The following DST variants were observed in gnomAD, a reference collection of about 807,000 sequenced individuals.
DST encodes the protein bullous pemphigoid antigen.
In DST, 253 loss-of-function variants were observed where a neutral mutation model predicts 875.2. The observed-to-expected ratio is 0.29, with a 90% CI of 0.26 to 0.32. DST has a LOEUF of 0.32. Ranked by LOEUF, DST falls within the 10% of genes least tolerant of loss-of-function variation. The pLI is 1.00. For missense variants in DST, 8,287 were observed against 9,111.6 expected, an observed-to-expected ratio of 0.91 and a Z score of 3.68; for synonymous variants, 3,124 against 3,197.1, an observed-to-expected ratio of 0.98 and a Z score of 0.77.
intron 98 of DST, 25 bp from the exon 99 acceptor site, chr6:56,466,220 C>A: frequency 6.8e-7 from 1 of 1,471,608 alleles, no homozygotes; most frequent in Non-Finnish European, 9.2e-7. Flanking sequence ...AAGAAAGAAC[C>A]TCTAGTTGTC....
Position 56,506,511 on chromosome 6 carries a change from A to AAGCTTT in DST, c.19390_19395dup (p.Lys6464_Ala6465dup). On this transcript the variant is annotated inframe_insertion, in exon 77 of 104. Transcript: ENST00000680361. ...TCAAGTTTGTCAATCCGGTCTTTCC[A>AAGCTTT]AGCTTTATTTAGAGAATCCCATGCT... 6.2e-7 allele frequency: 1 copy of AAGCTTT among 1,613,164 alleles called. No individual in the cohort carries two copies. Among genetic ancestry groups the AAGCTTT allele is most frequent in the Non-Finnish European group, 8.5e-7 (1 of 1,179,486 alleles).
At chr6:56,632,240 C>G (rs867106977) in intron 28 of DST, among the ~76,000 whole-genome samples, 200 bp from the exon 29 acceptor site, 1 of 151,960 alleles carries the variant, frequency 6.6e-6, no homozygotes, top group Non-Finnish European at 1.5e-5. Flanking sequence ...TAAAATTTCC[C>G]AAATGCCATT....
chr6:56,517,895 G>T (rs2096625746), intron 69 of DST, among the ~76,000 whole-genome samples: 1 of 152,110 alleles, frequency 6.6e-6, no homozygotes, highest in Non-Finnish European at 1.5e-5. Flanking sequence ...TTTTCAGGCA[G>T]TCTTAATAAT....
intron 86 of DST, among the ~76,000 whole-genome samples, chr6:56,488,716 G>A (rs139001432): frequency 2.0e-5 from 3 of 152,022 alleles, no homozygotes; most frequent in East Asian, 1.9e-4. Flanking sequence ...TTATATGTAC[G>A]TGCCTAAAAT....
Position 56,535,171 on chromosome 6 carries a change from G to A in DST, c.16892C>T (p.Pro5631Leu). 1 of 1,613,684 alleles carries A rather than the reference G, an allele frequency of 6.2e-7. No homozygotes were observed. The highest frequency in any genetic ancestry group is 8.5e-7 in the Non-Finnish European group (1 of 1,179,778). ...DTEELVANQK[P>L]PSAEFKVVKA... ...TACCACTTTGAACTCAGCCGACGGG[G>A]GCTTCTGATTGGCCACAAGCTCCTC... Residue 5631 changes from proline to leucine, a missense_variant, in exon 63 of 104, where the codon CCC becomes CTC. Around this residue, in one of 10 missense-constraint regions of DST, gnomAD observed 777 missense variants for 764.8 expected, o/e 1.02. Coordinates refer to ENST00000680361, the MANE Select transcript of DST (RefSeq NM_001374736.1).
intron 61 of DST, chr6:56,541,001 C>T (rs2152532597): frequency 6.5e-6 from 1 of 152,718 alleles, no homozygotes; most frequent in East Asian, 1.9e-4. Flanking sequence ...TGCTGGAGGG[C>T]TACATAAACC....
At chr6:56,718,580 A>T (rs2099403185) in intron 5 of DST, among the ~76,000 whole-genome samples, 1 of 151,508 alleles carries the variant, frequency 6.6e-6, no homozygotes, top group Non-Finnish European at 1.5e-5. Flanking sequence ...AAATAAAAAC[A>T]TGTGTCTACA....
intron 47 of DST, among the ~76,000 whole-genome samples, chr6:56,596,767 A>T (rs2098392797): frequency 6.6e-6 from 1 of 152,202 alleles, no homozygotes. Context: ...CAAAAGCCAA[A>T]TATTGAAATA....
intron 4 of DST, among the ~76,000 whole-genome samples, chr6:56,738,072 C>T (rs911110061): frequency 5.9e-5 from 9 of 152,172 alleles, no homozygotes; most frequent in South Asian, 2.1e-4. Context: ...GAACATATAA[C>T]GTACTTTTTA....
chr6:56,470,091 C>G (rs1021781460), intron 96 of DST, 37 bp downstream of exon 96: 1 of 1,608,906 alleles, frequency 6.2e-7, no homozygotes, highest in Non-Finnish European at 8.5e-7. Context: ...GCAGAACATA[C>G]TATCAGTGTT....
In DST at chr6:56,626,954, A is replaced by G. The variant is rs549772150; in HGVS notation, c.4722+250T>C. ...AAAAAAGAAAGAAAAGTGATAAGAAACCAACTACAGAGCTATGTATTCTGG... is the reference window on the plus strand; with the variant it reads ...AAAAAAGAAAGAAAAGTGATAAGAAGCCAACTACAGAGCTATGTATTCTGG... On this transcript the variant is annotated intron_variant, in intron 34 of 103. Transcript: ENST00000680361. 2.0e-5 allele frequency among the ~76,000 whole-genome samples: 3 copies of G among 152,194 alleles called. No homozygotes were observed. In the South Asian group the frequency reaches 6.2e-4, roughly 32 times the overall value.
intron 34 of DST, 92 bp from the exon 35 acceptor site, chr6:56,625,356 A>G: frequency 1.2e-6 from 1 of 817,838 alleles, no homozygotes; most frequent in Non-Finnish European, 2.1e-6. Flanking sequence ...TAGAACCTAG[A>G]TTCACTAAAA....
chr6:56,616,711 C>A, intron 36 of DST: 1 of 1,614,196 alleles, frequency 6.2e-7, no homozygotes, highest in Non-Finnish European at 8.5e-7. Context: ...CAATGACACC[C>A]CCACTGGCAA....
At chr6:56,579,409 T>G (rs2097923737) in intron 49 of DST, among the ~76,000 whole-genome samples, 1 of 152,178 alleles carries the variant, frequency 6.6e-6, no homozygotes, top group African/African-American at 2.4e-5. Context: ...TAAAAGTTAC[T>G]GAACATCTAA....
At chr6:56,698,603 G>A (rs927655347) in intron 9 of DST, among the ~76,000 whole-genome samples, 1 of 152,206 alleles carries the variant, frequency 6.6e-6, no homozygotes, top group African/African-American at 2.4e-5. Flanking sequence ...GGGATTACAG[G>A]CGTGAGCCAC....
At chr6:56,586,289 G>A (rs561177112) in intron 49 of DST, among the ~76,000 whole-genome samples, 6 of 151,574 alleles carry the variant, frequency 4.0e-5, no homozygotes, top group Admixed American at 6.6e-5. Context: ...CCTGTATTGG[G>A]TGCATATATA....
intron 12 of DST, 148 bp downstream of exon 12, chr6:56,650,778 T>A (rs1193058707): frequency 1.9e-6 from 1 of 539,458 alleles, no homozygotes; most frequent in Non-Finnish European, 3.3e-6. Context: ...ATGAAATACA[T>A]AGAATATCAA....
chr6:56,496,441 T>C (rs1412502178), intron 82 of DST, among the ~76,000 whole-genome samples: 1 of 151,952 alleles, frequency 6.6e-6, no homozygotes, highest in Non-Finnish European at 1.5e-5. Context: ...AAGTTGAAGA[T>C]AAAGCTCTAT....
chr6:56,526,783 T>C (rs1167209397), intron 68 of DST, among the ~76,000 whole-genome samples: 2 of 152,122 alleles, frequency 1.3e-5, no homozygotes, highest in African/African-American at 4.8e-5. Flanking sequence ...AACAATTCAT[T>C]TGTCGACACG....
Sources: allele counts gnomAD v4.1 joint callset (sites outside exome capture counted in the v4.1 genomes callset), GRCh38; gene constraint gnomAD v4.1.1; regional missense constraint gnomAD v4.1.1; transcripts MANE v1.5; gene names NCBI Gene and HGNC (gene_info 2026-07-23, HGNC 2026-07-21).